ANOS1: variants seen among roughly 807,000 people sequenced by gnomAD.
ANOS1 encodes the protein anosmin-1.
ANOS1 carries 6 observed loss-of-function variants against 59.0 expected under a neutral mutation model. The ratio of observed to expected loss-of-function variants is 0.10; its 90% CI spans 0.06 to 0.20. The LOEUF is 0.20. Among genes scored for constraint, ANOS1 ranks in the 10% least tolerant of loss-of-function variants. ANOS1 has a pLI of 1.00. For synonymous variants in ANOS1, 217 were observed against 223.4 expected (o/e 0.97, Z 0.25); for missense variants, 433 against 542.3 (o/e 0.80, Z 2.00).
At chrX:8,631,899 G>A (rs1931496144) in intron 2 of ANOS1, among the ~76,000 whole-genome samples, 1 of 112,059 alleles carries the variant, frequency 8.9e-6, no homozygotes, top group Non-Finnish European at 1.9e-5. Context: ...GGACATGAAC[G>A]TACAGTTTCA....
intron 2 of ANOS1, among the ~76,000 whole-genome samples, chrX:8,646,692 G>A (rs990726856): frequency 9.1e-6 from 1 of 110,085 alleles, no homozygotes; most frequent in Non-Finnish European, 1.9e-5. Flanking sequence ...AGCACTTTGG[G>A]AGGCTGCAGC....
intron 2 of ANOS1, among the ~76,000 whole-genome samples, chrX:8,630,068 T>A (rs1931462253): frequency 8.9e-6 from 1 of 112,121 alleles, no homozygotes; most frequent in Non-Finnish European, 1.9e-5. Flanking sequence ...GAGCATGGAA[T>A]CTCTTATGGG....
chrX:8,726,200 T>C (rs982659615), intron 1 of ANOS1, among the ~76,000 whole-genome samples: 3 of 111,481 alleles, frequency 2.7e-5, no homozygotes, highest in Non-Finnish European at 5.6e-5. Flanking sequence ...GTTTGTTTAC[T>C]TTGCCTTGGA....
intron 1 of ANOS1, among the ~76,000 whole-genome samples, chrX:8,721,323 C>T (rs1280919434): frequency 9.0e-6 from 1 of 111,705 alleles, no homozygotes; most frequent in Non-Finnish European, 1.9e-5. Context: ...GTACAAATAT[C>T]TAGGAATGTG....
intron 6 of ANOS1, among the ~76,000 whole-genome samples, chrX:8,582,614 A>T (rs1284403836): frequency 9.0e-6 from 1 of 111,402 alleles, no homozygotes; most frequent in African/African-American, 3.3e-5. Flanking sequence ...CAGATTTTAG[A>T]AGGATCACTC....
chrX:8,691,023 T>C (rs780440224), intron 2 of ANOS1, among the ~76,000 whole-genome samples: 7 of 111,533 alleles, frequency 6.3e-5, no homozygotes, highest in Admixed American at 1.9e-4. Flanking sequence ...CCATTGTTTG[T>C]TAGATGCAAG....
intron 1 of ANOS1, among the ~76,000 whole-genome samples, chrX:8,723,209 G>C (rs993272128): frequency 8.9e-6 from 1 of 112,455 alleles, no homozygotes; most frequent in Non-Finnish European, 1.9e-5. Flanking sequence ...ATAAATAGGT[G>C]GGACTTAATT....
At chrX:8,546,044 A>G (rs776929626) in intron 9 of ANOS1, among the ~76,000 whole-genome samples, 3 of 112,207 alleles carry the variant, frequency 2.7e-5, no homozygotes, top group African/African-American at 9.7e-5. Flanking sequence ...AAAGTCAAAA[A>G]AATCCAGAAA....
chrX:8,544,870 C>T (rs933964216), intron 9 of ANOS1, among the ~76,000 whole-genome samples: 21 of 108,813 alleles, frequency 1.9e-4, no homozygotes, highest in African/African-American at 6.4e-4. Context: ...AGTTCGAGAC[C>T]GGCCTGACCA....
chrX:8,570,465 G>C lies in ANOS1; in HGVS notation c.1062+34C>G, dbSNP rs201288283. The C allele has an allele frequency of 4.4e-6, 5 of 1,143,688 alleles. No individual in the cohort carries two copies. In the African/African-American group the frequency reaches 5.4e-5, roughly 12 times the overall value. The allele number at this position is 1,143,688 out of a possible 1,213,427, so 94.3% of individuals were successfully genotyped here. A position where few individuals can be genotyped will look rare whatever the true frequency, so the allele number is the denominator to read the frequency against. ...TGCCTTGAGTTGAAATACCCTCTGT[G>C]GGAATAACAATCCTTCCTCCAGTTC... On this transcript the variant is annotated intron_variant, in intron 7 of 13. Transcript: ENST00000262648.
rs371941974 is a variant in ANOS1 at position 8,532,718 on chromosome X, C to T, written c.*277G>A. Reference sequence around the variant, plus strand: ...TCTGTTGTAATTCAATAGAAATGAGCGACACCATACATGAAAACAAAATTT... The same window carrying T: ...TCTGTTGTAATTCAATAGAAATGAGTGACACCATACATGAAAACAAAATTT... On this transcript the variant is annotated 3_prime_UTR_variant, in exon 14 of 14. Coordinates refer to ENST00000262648, the MANE Select transcript of ANOS1 (RefSeq NM_000216.4). The T allele has an allele frequency of 4.8e-4, 126 of 262,884 alleles. No individual in the cohort carries two copies. The highest frequency in any genetic ancestry group is 2.9e-3 in the African/African-American group (105 of 36,810). The allele number at this position is 262,884 out of a possible 1,213,427, so 21.7% of individuals were successfully genotyped here. A position where few individuals can be genotyped will look rare whatever the true frequency, so the allele number is the denominator to read the frequency against.
chrX:8,636,875 T>A (rs1247667181), intron 2 of ANOS1, among the ~76,000 whole-genome samples: 2 of 112,380 alleles, frequency 1.8e-5, no homozygotes, highest in East Asian at 5.6e-4. Flanking sequence ...TCCAGATTAA[T>A]GAGTTAGACA....
At chrX:8,632,673 A>T (rs5978254) in intron 2 of ANOS1, among the ~76,000 whole-genome samples, 37,830 of 110,099 alleles carry the variant, frequency 0.34, 5,321 homozygotes, top group Middle Eastern at 0.54. Flanking sequence ...TTTCTTTCAC[A>T]AAAGTATTTT....
intron 2 of ANOS1, among the ~76,000 whole-genome samples, chrX:8,668,428 T>TAC (rs1191819584): frequency 8.4e-5 from 7 of 83,539 alleles, no homozygotes; most frequent in Non-Finnish European, 1.4e-4. Flanking sequence ...TATATATATA[T>TAC]ATACACACAC....
chrX:8,592,089 G>C (rs944241535), intron 4 of ANOS1, among the ~76,000 whole-genome samples: 5 of 111,577 alleles, frequency 4.5e-5, no homozygotes, highest in South Asian at 7.4e-4. Flanking sequence ...AAATCAATTA[G>C]GATAAGCAAT....
chrX:8,557,651 C>A (rs1569047978), intron 8 of ANOS1, among the ~76,000 whole-genome samples: 1 of 111,755 alleles, frequency 8.9e-6, no homozygotes, highest in South Asian at 3.7e-4. Context: ...GTTAGAATGG[C>A]GATCATTCAA....
At chrX:8,610,033 A>AAAAAAAAAAAAAAAAACAAC (rs1287806402) in intron 3 of ANOS1, among the ~76,000 whole-genome samples, 14 of 82,690 alleles carry the variant, frequency 1.7e-4, no homozygotes, top group Non-Finnish European at 2.3e-4. Flanking sequence ...AAAAAAAAAA[A>AAAAAAAAAAAAAAAAACAAC]AACAACAACC....
rs764485607 is a variant in ANOS1, at chrX:8,529,582, G to A, written c.*3413C>T. 2.8e-4 allele frequency: 31 copies of A among 111,957 alleles called. No homozygotes were observed. The highest frequency in any genetic ancestry group is 8.4e-4 in the African/African-American group (26 of 30,875). 9.2% of individuals were successfully genotyped at this position (111,957 alleles called of 1,213,427 possible). ...TGATACAGACACGAGTCAAAATTCCGTCTTTTAATCAAGTTGTTTAGTGGA... is the reference window on the plus strand; with the variant it reads ...TGATACAGACACGAGTCAAAATTCCATCTTTTAATCAAGTTGTTTAGTGGA... On this transcript the variant is annotated 3_prime_UTR_variant, in exon 14 of 14. Coordinates refer to ENST00000262648, the MANE Select transcript of ANOS1 (RefSeq NM_000216.4).
intron 3 of ANOS1, among the ~76,000 whole-genome samples, chrX:8,613,212 TTC>T (rs1452026934): frequency 1.3e-5 from 1 of 78,168 alleles, no homozygotes; most frequent in African/African-American, 6.2e-5. Flanking sequence ...TTCTTGTTCC[TTC>T]TTTTTTTTTT....
Sources: allele counts gnomAD v4.1 joint callset (sites outside exome capture counted in the v4.1 genomes callset), GRCh38; gene constraint gnomAD v4.1.1; transcripts MANE v1.5; gene names NCBI Gene and HGNC (gene_info 2026-07-23, HGNC 2026-07-21).